Variants in ZNF620 observed in about 807,000 individuals in gnomAD.
ZNF620 encodes zinc finger protein 620.
Under a neutral mutation model 13.3 loss-of-function variants are expected in ZNF620, and 10 were observed. That is an observed-to-expected ratio of 0.75 (90% confidence interval 0.46 to 1.28). The LOEUF (loss-of-function observed/expected upper bound fraction) is 1.28, where lower values mean the gene tolerates loss of function less well. ZNF620 is among the 50% of genes most tolerant of loss of function. The pLI is 0.00. For missense variants in ZNF620, 461 were observed against 500.2 expected (o/e 0.92, Z 0.75); for synonymous variants, 166 against 177.6 (o/e 0.93, Z 0.52).
In ZNF620 at chr3:40,516,949, G is replaced by T; in HGVS notation, c.*86G>T. On this transcript the variant is annotated 3_prime_UTR_variant, in exon 5 of 5. Coordinates refer to ENST00000314529, the MANE Select transcript of ZNF620 (RefSeq NM_175888.4). ...ATCAGTGTCCTCGCTGTCCTTCCTG[G>T]TTAGACACTTGGCTTTCATCATGAA... The T allele has an allele frequency of 2.8e-6, 4 of 1,434,352 alleles. No individual in the cohort carries two copies. In the South Asian group the frequency reaches 6.1e-5, roughly 22 times the overall value. 88.9% of individuals were successfully genotyped at this position (1,434,352 alleles called of 1,614,324 possible).
rs375132058 is a variant in ZNF620 at position 40,506,240 on chromosome 3, A to AC, written c.-49-64_-49-63insC. On this transcript the variant is annotated intron_variant, in intron 1 of 4. Transcript: ENST00000314529. ...GAAAGGAGAGGGGCCCAAGTAGCAC[A>AC]GAGGGCATTTGCGGGGTGCGAGGCA... 2,092 of 1,376,144 alleles carry AC rather than the reference A, an allele frequency of 1.5e-3. 13 individuals are homozygous for AC. In the African/African-American group the frequency reaches 0.018, roughly 12 times the overall value. 85.2% of individuals were successfully genotyped at this position (1,376,144 alleles called of 1,614,324 possible).
rs1212657603 is a variant in ZNF620 at position 40,513,302 on chromosome 3, T to TAAAAAAA, written c.265+796_265+802dup. Among the ~76,000 whole-genome samples, 48 of 37,970 alleles carry TAAAAAAA rather than the reference T, an allele frequency of 1.3e-3. 1 individual carries two copies. Among genetic ancestry groups the TAAAAAAA allele is most frequent in the African/African-American group, 5.9e-3 (42 of 7,130 alleles). The allele number at this position is 37,970 out of a possible 152,430, so 24.9% of individuals were successfully genotyped here. ...CAACATGACGAAACCCCGTCTCAAC[T>TAAAAAAA]AAAAAAAAAAAAAAATATATATATA... On this transcript the variant is annotated intron_variant, in intron 4 of 4. Transcript: ENST00000314529.
At chr3:40,514,381 C>T (rs1371290778) in intron 4 of ZNF620, among the ~76,000 whole-genome samples, 4 of 152,144 alleles carry the variant, frequency 2.6e-5, no homozygotes, top group African/African-American at 9.7e-5. Context: ...TTGCCTTGTA[C>T]ATAATCAATA....
In ZNF620 at chr3:40,516,027, A is replaced by C; in HGVS notation, c.433A>C (p.Lys145Gln). 6.2e-7 allele frequency: 1 copy of C among 1,614,178 alleles called. No homozygotes were observed. Among genetic ancestry groups the C allele is most frequent in the Non-Finnish European group, 8.5e-7 (1 of 1,180,036 alleles). ...ACAAGGTCATTGGATAATTAAGACAAAGTCAAAGAGGAGACATTTCACAGA... is the reference window on the plus strand; with the variant it reads ...ACAAGGTCATTGGATAATTAAGACACAGTCAAAGAGGAGACATTTCACAGA... ...QPQGHWIIKT[K>Q]SKRRHFTDTS... Residue 145 changes from lysine to glutamine, a missense_variant, in exon 5 of 5, where the codon AAG (lysine) becomes CAG (glutamine). Transcript: ENST00000314529.
At chr3:40,509,462 C>T (rs1022372551) in intron 2 of ZNF620, among the ~76,000 whole-genome samples, 8 of 151,920 alleles carry the variant, frequency 5.3e-5, no homozygotes, top group African/African-American at 1.9e-4. Flanking sequence ...GAACTCTTGG[C>T]CTCGAGTGAT....
chr3:40,507,755 C>A (rs1698072861), intron 2 of ZNF620, among the ~76,000 whole-genome samples: 1 of 152,044 alleles, frequency 6.6e-6, no homozygotes, highest in South Asian at 2.1e-4. Context: ...AGTTTTGAGT[C>A]CTTTGGTAGA....
Sources: gnomAD v4.1 joint callset for allele counts (sites outside exome capture counted in the v4.1 genomes callset) on GRCh38, gnomAD v4.1.1 for gene constraint, MANE v1.5 for transcripts, NCBI Gene and HGNC (gene_info 2026-07-23, HGNC 2026-07-21) for gene names.